The following KLHL4 variants were observed in gnomAD, a reference collection of about 807,000 sequenced individuals.
KLHL4 encodes the protein kelch-like protein 4.
In KLHL4, 17 loss-of-function variants were observed where a neutral mutation model predicts 45.8. That is an observed-to-expected ratio of 0.37 (90% CI 0.25 to 0.56). The LOEUF (loss-of-function observed/expected upper bound fraction) is 0.56, where lower values mean the gene tolerates loss of function less well. Ranked by LOEUF, KLHL4 falls within the 20% of genes least tolerant of loss-of-function variation. KLHL4 has a pLI of 0.79. For synonymous variants in KLHL4, 224 were observed against 189.9 expected, an observed-to-expected ratio of 1.18 and a Z score of -1.47; for missense variants, 544 against 544.9, an observed-to-expected ratio of 1.00 and a Z score of 0.02.
chrX:87,565,055 C>T (rs1306346829), intron 1 of KLHL4, among the ~76,000 whole-genome samples: 1 of 111,770 alleles, frequency 8.9e-6, no homozygotes, highest in Non-Finnish European at 1.9e-5. Flanking sequence ...AAAGAATACA[C>T]GTTTGAACAA....
intron 1 of KLHL4, among the ~76,000 whole-genome samples, chrX:87,559,829 G>A (rs893224227): frequency 2.7e-5 from 3 of 110,528 alleles, no homozygotes; most frequent in Non-Finnish European, 5.7e-5. Flanking sequence ...GTGCTACAGC[G>A]GTAATATATC....
chrX:87,667,886 T>C lies in KLHL4; in HGVS notation c.*1352T>C, dbSNP rs1337906581. On this transcript the variant is annotated 3_prime_UTR_variant, in exon 11 of 11. Transcript: ENST00000373119. ...AAGAAGAACGTAAGTTGTACAAAGA[T>C]ATTTGTACTTTGACAAACTGAATTT... The C allele has an allele frequency of 8.9e-6, 6 of 675,391 alleles. No homozygotes were observed. The African/African-American group carries it at 1.4e-4, about 16-fold the overall frequency. The allele number at this position is 675,391 out of a possible 1,213,427, so 55.7% of individuals were successfully genotyped here.
At chrX:87,587,023 GA>G (rs1369611453) in intron 1 of KLHL4, among the ~76,000 whole-genome samples, 1 of 107,679 alleles carries the variant, frequency 9.3e-6, no homozygotes, top group African/African-American at 3.4e-5. Flanking sequence ...AAATCTGGAA[GA>G]ATTTGACAAA....
chrX:87,619,986 T>C (rs1188515435), intron 4 of KLHL4, among the ~76,000 whole-genome samples: 1 of 111,693 alleles, frequency 9.0e-6, no homozygotes, highest in Non-Finnish European at 1.9e-5. Context: ...ACAAGGTAGA[T>C]TGCCTTCCCT....
chrX:87,545,427 C>A, intron 1 of KLHL4, among the ~76,000 whole-genome samples: 1 of 111,155 alleles, frequency 9.0e-6, no homozygotes, highest in South Asian at 3.8e-4. Context: ...AAGGGGCTGT[C>A]CCCCCTTTGC....
Position 87,554,517 on chromosome X carries a change from T to C in KLHL4, c.422+36202T>C, listed in dbSNP as rs1238976237. ...AGTTCACTCATGATTTGGCTCTCTGTTTGTCTGTTATTGGTGTATAAGAAT... is the reference window on the plus strand; with the variant it reads ...AGTTCACTCATGATTTGGCTCTCTGCTTGTCTGTTATTGGTGTATAAGAAT... On this transcript the variant is annotated intron_variant, in intron 1 of 10. Coordinates refer to ENST00000373119, the MANE Select transcript of KLHL4 (RefSeq NM_019117.5). Among the ~76,000 whole-genome samples, 114 of 94,923 alleles carry C rather than the reference T, an allele frequency of 1.2e-3. 1 individual carries two copies. The highest frequency in any genetic ancestry group is 4.2e-3 in the African/African-American group (106 of 25,381). 82.4% of individuals were successfully genotyped at this position (94,923 alleles called of 115,157 possible). A position where few individuals can be genotyped will look rare whatever the true frequency, so the allele number is the denominator to read the frequency against.
chrX:87,553,746 C>T (rs1157542803), intron 1 of KLHL4, among the ~76,000 whole-genome samples: 2 of 111,262 alleles, frequency 1.8e-5, no homozygotes, highest in East Asian at 2.8e-4. Context: ...TGAAATAATA[C>T]AAAGTTGTCA....
At chrX:87,656,452 C>A (rs1923991761) in intron 9 of KLHL4, among the ~76,000 whole-genome samples, 1 of 108,274 alleles carries the variant, frequency 9.2e-6, no homozygotes, top group Non-Finnish European at 1.9e-5. Context: ...GAGATTCTTT[C>A]TTCTGCTTGG....
In KLHL4 at chrX:87,614,585, C is replaced by T. The variant is rs891500113; in HGVS notation, c.727+15C>T. 3 of 1,188,547 alleles carry T rather than the reference C, an allele frequency of 2.5e-6. No homozygotes were observed. Among genetic ancestry groups the T allele is most frequent in the Non-Finnish European group, 3.4e-6 (3 of 880,257 alleles). On this transcript the variant is annotated intron_variant, in intron 3 of 10. Transcript: ENST00000373119. The stretch of plus-strand genomic sequence containing the variant: ...TGCTTACACAGGTAAGTGCCAAATA[C>T]ACATTAACTCATAATGACCCTACAT...
In KLHL4 at chrX:87,669,153, C is replaced by T. The variant is rs1924480727; in HGVS notation, c.*2619C>T. The T allele has an allele frequency of 1.7e-5, 18 of 1,034,097 alleles. No homozygotes were observed. The South Asian group carries it at 5.1e-4, about 29-fold the overall frequency. The allele number at this position is 1,034,097 out of a possible 1,213,427, so 85.2% of individuals were successfully genotyped here. A position where few individuals can be genotyped will look rare whatever the true frequency, so the allele number is the denominator to read the frequency against. On this transcript the variant is annotated 3_prime_UTR_variant, in exon 11 of 11. Coordinates refer to ENST00000373119, the MANE Select transcript of KLHL4 (RefSeq NM_019117.5). ...TAGGAAAGGATGTTATTTATATATT[C>T]TTACAAGAGTGTAAGGGCTCACACA...
intron 7 of KLHL4, 32 bp from the exon 8 acceptor site, chrX:87,633,717 G>C (rs771456759): frequency 3.6e-6 from 4 of 1,119,239 alleles, no homozygotes; most frequent in Non-Finnish European, 4.8e-6. Context: ...GGCATACCTA[G>C]GTGAACCCAC....
chrX:87,618,901 C>A (rs1216929473), intron 4 of KLHL4, among the ~76,000 whole-genome samples: 1 of 111,855 alleles, frequency 8.9e-6, no homozygotes, highest in African/African-American at 3.2e-5. Flanking sequence ...AACTTAAAAT[C>A]CCTTTCAATT....
chrX:87,630,552 T>C (rs1312711068), intron 6 of KLHL4, among the ~76,000 whole-genome samples: 2 of 111,290 alleles, frequency 1.8e-5, no homozygotes, highest in African/African-American at 6.5e-5. Flanking sequence ...TCTATTATTT[T>C]CCACCCTGGT....
At chrX:87,617,863 G>T (rs5924069) in intron 3 of KLHL4, 69 bp from the exon 4 acceptor site, 401,071 of 918,823 alleles carry the variant, frequency 0.44, 64,940 homozygotes, top group Middle Eastern at 0.49. Context: ...AAAAAAAAAT[G>T]TCAACTAGTT....
intron 1 of KLHL4, among the ~76,000 whole-genome samples, chrX:87,530,884 C>G (rs1163519335): frequency 9.1e-6 from 1 of 110,104 alleles, no homozygotes; most frequent in African/African-American, 3.3e-5. Flanking sequence ...TACAGTCCCA[C>G]CAACAGTGTA....
At position 87,635,780 on chromosome X, in the gene KLHL4, G is replaced by T; in HGVS notation, c.1925+5G>T. 8.9e-7 allele frequency: 1 copy of T among 1,119,846 alleles called. No individual in the cohort carries two copies. Among genetic ancestry groups the T allele is most frequent in the Non-Finnish European group, 1.2e-6 (1 of 838,073 alleles). The allele number at this position is 1,119,846 out of a possible 1,213,427, so 92.3% of individuals were successfully genotyped here. ...GCTTTCTGACTGTGTGGAACGGTAA[G>T]TTTTTTCTATTTCCTTCTGTATGTA... On this transcript the variant is annotated splice_donor_5th_base_variant and intron_variant, in intron 9 of 10. Transcript: ENST00000373119.
rs1924437792 is a variant in KLHL4, at chrX:87,668,234, G to T, written c.*1700G>T. On this transcript the variant is annotated 3_prime_UTR_variant, in exon 11 of 11. Coordinates refer to ENST00000373119, the MANE Select transcript of KLHL4 (RefSeq NM_019117.5). ...CCTAAACCTTTATCGCCAATGCACAGCTTGGCCTGTTAAGTTAAATGTGGG... is the reference window on the plus strand; with the variant it reads ...CCTAAACCTTTATCGCCAATGCACATCTTGGCCTGTTAAGTTAAATGTGGG... 2 of 753,194 alleles carry T rather than the reference G, an allele frequency of 2.7e-6. No individual in the cohort carries two copies. The highest frequency in any genetic ancestry group is 3.1e-6 in the Non-Finnish European group (2 of 638,410). 62.1% of individuals were successfully genotyped at this position (753,194 alleles called of 1,213,427 possible).
At chrX:87,663,442 C>G (rs1159986780) in intron 9 of KLHL4, among the ~76,000 whole-genome samples, 1 of 112,386 alleles carries the variant, frequency 8.9e-6, no homozygotes, top group Non-Finnish European at 1.9e-5. Flanking sequence ...CAACATTCCC[C>G]AAACTCCTCT....
intron 1 of KLHL4, among the ~76,000 whole-genome samples, chrX:87,572,142 T>C (rs1357394783): frequency 9.0e-6 from 1 of 111,422 alleles, no homozygotes; most frequent in East Asian, 2.8e-4. Flanking sequence ...GGTAAAGAAA[T>C]TGTTTACCAA....
Sources: allele counts gnomAD v4.1 joint callset (sites outside exome capture counted in the v4.1 genomes callset), GRCh38; gene constraint gnomAD v4.1.1; transcripts MANE v1.5; gene names NCBI Gene and HGNC (gene_info 2026-07-23, HGNC 2026-07-21).